SH3KBP1: variants seen among roughly 807,000 people sequenced by gnomAD.
The protein encoded by SH3KBP1 is SH3 domain-containing kinase-binding protein 1.
In SH3KBP1, 8 loss-of-function variants were observed where a neutral mutation model predicts 50.1. The observed-to-expected ratio is 0.16, with a 90% CI of 0.09 to 0.29. The LOEUF (loss-of-function observed/expected upper bound fraction) is 0.29. Ranked by LOEUF, SH3KBP1 falls within the 10% of genes least tolerant of loss-of-function variation. SH3KBP1 has a pLI of 1.00. For missense variants in SH3KBP1, 377 were observed against 535.2 expected, an observed-to-expected ratio of 0.70 and a Z score of 2.92; for synonymous variants, 227 against 218.6, an observed-to-expected ratio of 1.04 and a Z score of -0.34.
intron 1 of SH3KBP1, among the ~76,000 whole-genome samples, chrX:19,836,507 A>G (rs2068061064): frequency 8.9e-6 from 1 of 111,852 alleles, no homozygotes; most frequent in African/African-American, 3.3e-5. Context: ...GGTGGCCTAC[A>G]GGTCTTGGGG....
chrX:19,600,840 C>T (rs1194623418), intron 9 of SH3KBP1, among the ~76,000 whole-genome samples: 1 of 110,854 alleles, frequency 9.0e-6, no homozygotes, highest in Non-Finnish European at 1.9e-5. Context: ...GCTCAATTTG[C>T]AGGTAAGTGC....
At chrX:19,813,249 G>C (rs1325576345) in intron 2 of SH3KBP1, among the ~76,000 whole-genome samples, 1 of 111,221 alleles carries the variant, frequency 9.0e-6, no homozygotes, top group African/African-American at 3.3e-5. Context: ...CAGAGGCCAT[G>C]CTCTCGCTGA....
intron 1 of SH3KBP1, among the ~76,000 whole-genome samples, chrX:19,881,529 T>C (rs1045135980): frequency 1.8e-5 from 2 of 111,870 alleles, no homozygotes; most frequent in Non-Finnish European, 3.8e-5. Context: ...CCAATGATAA[T>C]CAGCTCAACC....
chrX:19,705,968 T>C (rs1470897460), intron 4 of SH3KBP1, among the ~76,000 whole-genome samples: 2 of 111,687 alleles, frequency 1.8e-5, no homozygotes, highest in Non-Finnish European at 3.8e-5. Flanking sequence ...TACAGATCCC[T>C]TCATTAATGA....
At chrX:19,704,510 G>T (rs2063608789) in intron 4 of SH3KBP1, among the ~76,000 whole-genome samples, 2 of 112,482 alleles carry the variant, frequency 1.8e-5, no homozygotes, top group South Asian at 7.2e-4. Flanking sequence ...TTCAGTCTTT[G>T]ATCACAAGCA....
intron 1 of SH3KBP1, among the ~76,000 whole-genome samples, chrX:19,851,040 G>A (rs558366147): frequency 1.8e-5 from 2 of 111,365 alleles, no homozygotes; most frequent in Non-Finnish European, 1.9e-5. Flanking sequence ...AGAATGGGGC[G>A]GGGGGCAGGG....
At chrX:19,820,545 C>G (rs1347532348) in intron 2 of SH3KBP1, among the ~76,000 whole-genome samples, 1 of 111,612 alleles carries the variant, frequency 9.0e-6, no homozygotes, top group Non-Finnish European at 1.9e-5. Context: ...AAAATTAATA[C>G]TTGCATAGTA....
chrX:19,644,401 T>C (rs1003412825), intron 7 of SH3KBP1, among the ~76,000 whole-genome samples: 1 of 112,331 alleles, frequency 8.9e-6, no homozygotes, highest in Non-Finnish European at 1.9e-5. Flanking sequence ...CTTGAGGGGA[T>C]AGATACCCCA....
intron 1 of SH3KBP1, among the ~76,000 whole-genome samples, chrX:19,844,312 G>T (rs1391128756): frequency 1.8e-5 from 2 of 111,404 alleles, no homozygotes. Flanking sequence ...AATAAATGTT[G>T]GTGACTGAGT....
At chrX:19,707,227 G>T in intron 3 of SH3KBP1, 1 of 456,510 alleles carries the variant, frequency 2.2e-6, no homozygotes, top group East Asian at 4.0e-5. Flanking sequence ...CGATCCATTG[G>T]TGCAGAAGGC....
At chrX:19,629,069 T>C (rs1473804910) in intron 8 of SH3KBP1, among the ~76,000 whole-genome samples, 1 of 111,447 alleles carries the variant, frequency 9.0e-6, no homozygotes, top group Non-Finnish European at 1.9e-5. Flanking sequence ...ATCACACGAT[T>C]GCACTCCAGC....
intron 2 of SH3KBP1, among the ~76,000 whole-genome samples, chrX:19,823,187 G>A (rs189041858): frequency 5.4e-5 from 6 of 111,511 alleles, no homozygotes; most frequent in African/African-American, 9.8e-5. Flanking sequence ...CTCCACTGAC[G>A]ACATTCCAGC....
intron 13 of SH3KBP1, among the ~76,000 whole-genome samples, chrX:19,561,072 TAA>T (rs1278440852): frequency 0.04 from 1,913 of 48,041 alleles, 78 homozygotes; most frequent in African/African-American, 0.12. Flanking sequence ...AGACCCTGTC[TAA>T]AAAAAAAAAA....
At chrX:19,599,657 G>A (rs897056445) in intron 9 of SH3KBP1, among the ~76,000 whole-genome samples, 2 of 111,794 alleles carry the variant, frequency 1.8e-5, no homozygotes, top group African/African-American at 6.5e-5. Flanking sequence ...ATCCTTTACT[G>A]ACTTCACTTT....
intron 8 of SH3KBP1, among the ~76,000 whole-genome samples, chrX:19,629,017 G>A (rs748457542): frequency 8.9e-6 from 1 of 111,982 alleles, no homozygotes; most frequent in East Asian, 2.8e-4. Context: ...TGAGGTGGGA[G>A]AATCGCACGA....
At chrX:19,796,094 C>A (rs777057955) in intron 2 of SH3KBP1, among the ~76,000 whole-genome samples, 1 of 112,010 alleles carries the variant, frequency 8.9e-6, no homozygotes, top group African/African-American at 3.2e-5. Context: ...ACAGTGAAGG[C>A]AGCTACTGTT....
intron 2 of SH3KBP1, among the ~76,000 whole-genome samples, chrX:19,826,554 A>T (rs915882624): frequency 1.8e-5 from 2 of 110,728 alleles, no homozygotes; most frequent in Non-Finnish European, 3.8e-5. Flanking sequence ...AGGTGGTTAC[A>T]TGTGTATAGT....
At chrX:19,573,821 G>A (rs974155452) in intron 12 of SH3KBP1, among the ~76,000 whole-genome samples, 4 of 111,251 alleles carry the variant, frequency 3.6e-5, no homozygotes, top group Non-Finnish European at 7.5e-5. Context: ...TAAAAATCCA[G>A]GCCAGGTGTG....
At chrX:19,539,632 G>A (rs1255857337) in intron 16 of SH3KBP1, among the ~76,000 whole-genome samples, 1 of 112,068 alleles carries the variant, frequency 8.9e-6, no homozygotes, top group African/African-American at 3.2e-5. Context: ...AGTCTATGAG[G>A]AGGAAGAAAC....
Sources: gnomAD v4.1 joint callset for allele counts (sites outside exome capture counted in the v4.1 genomes callset) on GRCh38, gnomAD v4.1.1 for gene constraint, MANE v1.5 for transcripts, NCBI Gene and HGNC (gene_info 2026-07-23, HGNC 2026-07-21) for gene names.